Variants in PDE3A observed in about 807,000 individuals in gnomAD.
PDE3A encodes the protein phosphodiesterase 3A, also known as cGMP-inhibited 3',5'-cyclic phosphodiesterase 3A.
A neutral mutation model predicts 98.3 loss-of-function variants in PDE3A; 43 were observed. The ratio of observed to expected loss-of-function variants is 0.44; its 90% CI spans 0.34 to 0.56. The LOEUF (loss-of-function observed/expected upper bound fraction) is 0.56, where lower values mean the gene tolerates loss of function less well. Ranked by LOEUF, PDE3A falls within the 20% of genes least tolerant of loss-of-function variation. The probability of loss-of-function intolerance (pLI) is 0.01; values close to 1 mark genes in which losing one functional copy is unlikely to be tolerated. For synonymous variants in PDE3A, 663 were observed against 567.9 expected (o/e 1.17, Z -2.38); for missense variants, 1,427 against 1,440.7 (o/e 0.99, Z 0.15).
In PDE3A at chr12:20,646,666, G is replaced by GT. The variant is rs201571904; in HGVS notation, c.2365+71dup. On this transcript the variant is annotated intron_variant, in intron 11 of 15. Transcript: ENST00000359062. Reference sequence around the variant, plus strand: ...TGGGAACAAGGGTGTTTTTGTTTTTGTTTTTTTTCAAAAAGAAAGAAGTCA... The same window carrying GT: ...TGGGAACAAGGGTGTTTTTGTTTTTGTTTTTTTTTCAAAAAGAAAGAAGTCA... The GT allele has an allele frequency of 3.3e-4, 473 of 1,421,264 alleles. 1 individual carries two copies. The East Asian group carries it at 5.4e-3, about 16-fold the overall frequency. 88.0% of individuals were successfully genotyped at this position (1,421,264 alleles called of 1,614,324 possible).
intron 2 of PDE3A, among the ~76,000 whole-genome samples, chr12:20,583,078 C>T (rs1943108718): frequency 1.3e-5 from 2 of 151,976 alleles, no homozygotes; most frequent in African/African-American, 4.8e-5. Flanking sequence ...TCAGTCAAGC[C>T]CCTGCCCAGA....
At chr12:20,669,128 G>A (rs970587456) in intron 15 of PDE3A, among the ~76,000 whole-genome samples, 6 of 152,098 alleles carry the variant, frequency 3.9e-5, no homozygotes, top group African/African-American at 1.4e-4. Context: ...ATGAAATGAA[G>A]CGAGAAGGGA....
intron 1 of PDE3A, among the ~76,000 whole-genome samples, chr12:20,494,540 G>C (rs988563395): frequency 5.9e-5 from 9 of 152,020 alleles, no homozygotes; most frequent in Non-Finnish European, 1.0e-4. Flanking sequence ...GTGTGTCTCT[G>C]TGTGTGTTTG....
chr12:20,482,394 G>T (rs1945646963), intron 1 of PDE3A, among the ~76,000 whole-genome samples: 1 of 152,114 alleles, frequency 6.6e-6, no homozygotes, highest in South Asian at 2.1e-4. Context: ...CTTTACTTCA[G>T]TGTTTTACTT....
chr12:20,507,570 G>A (rs35349988), intron 1 of PDE3A, among the ~76,000 whole-genome samples: 12,350 of 151,936 alleles, frequency 0.081, 706 homozygotes, highest in Non-Finnish European at 0.12. Flanking sequence ...TCTTGACTTA[G>A]ATACCTAACA....
chr12:20,557,263 AG>A (rs1565588345), intron 2 of PDE3A: 1 of 153,104 alleles, frequency 6.5e-6, no homozygotes. Flanking sequence ...CAAAGAGAAA[AG>A]CTTCCATGAC....
intron 1 of PDE3A, among the ~76,000 whole-genome samples, chr12:20,397,804 T>A (rs998049874): frequency 1.3e-5 from 2 of 152,188 alleles, no homozygotes; most frequent in East Asian, 3.9e-4. Context: ...GGCAACTCAG[T>A]AACAAAGAGA....
chr12:20,543,243 G>C lies in PDE3A; in HGVS notation c.961-13417G>C, dbSNP rs74459029. Reference sequence around the variant, plus strand: ...TATTTGCATGGAATTTTTGGAGTAAGTTTATTTGGTTTGTTTGTTTTTTTT... The same window carrying C: ...TATTTGCATGGAATTTTTGGAGTAACTTTATTTGGTTTGTTTGTTTTTTTT... On this transcript the variant is annotated intron_variant, in intron 1 of 15. Transcript: ENST00000359062. Among the ~76,000 whole-genome samples the C allele has an allele frequency of 2.3e-3, 308 of 134,678 alleles. 1 individual carries two copies. In the East Asian group the frequency reaches 0.03, roughly 13 times the overall value. The allele number at this position is 134,678 out of a possible 152,430, so 88.4% of individuals were successfully genotyped here. A position where few individuals can be genotyped will look rare whatever the true frequency, so the allele number is the denominator to read the frequency against.
At chr12:20,526,749 A>G (rs545062107) in intron 1 of PDE3A, among the ~76,000 whole-genome samples, 2 of 150,886 alleles carry the variant, frequency 1.3e-5, no homozygotes, top group East Asian at 3.9e-4. Flanking sequence ...GCTGAATCTC[A>G]TTTCATGTCA....
chr12:20,570,732 T>G (rs1942784831), intron 2 of PDE3A, among the ~76,000 whole-genome samples: 1 of 152,094 alleles, frequency 6.6e-6, no homozygotes, highest in Admixed American at 6.5e-5. Flanking sequence ...TCTCCTAAAT[T>G]ATTGTGTGTC....
At chr12:20,541,900 T>A (rs1333560281) in intron 1 of PDE3A, among the ~76,000 whole-genome samples, 1 of 152,118 alleles carries the variant, frequency 6.6e-6, no homozygotes, top group Non-Finnish European at 1.5e-5. Flanking sequence ...AATTACTTTC[T>A]TCAGCATTTA....
At chr12:20,407,575 G>A (rs1944254726) in intron 1 of PDE3A, among the ~76,000 whole-genome samples, 2 of 152,140 alleles carry the variant, frequency 1.3e-5, no homozygotes, top group Admixed American at 6.5e-5. Flanking sequence ...GGTTGGTGGT[G>A]CTTTGGGGTC....
chr12:20,467,808 G>A (rs949499792), intron 1 of PDE3A, among the ~76,000 whole-genome samples: 4 of 151,200 alleles, frequency 2.6e-5, no homozygotes, highest in Non-Finnish European at 2.9e-5. Flanking sequence ...GGTGGCACGC[G>A]CCTATAATCC....
chr12:20,518,267 G>T (rs1044802068), intron 1 of PDE3A, among the ~76,000 whole-genome samples: 1 of 152,128 alleles, frequency 6.6e-6, no homozygotes, highest in Non-Finnish European at 1.5e-5. Flanking sequence ...TTTTTTGCAT[G>T]AATATATAAA....
intron 1 of PDE3A, among the ~76,000 whole-genome samples, chr12:20,407,640 C>T (rs1944257012): frequency 6.6e-6 from 1 of 151,884 alleles, no homozygotes; most frequent in African/African-American, 2.4e-5. Flanking sequence ...ACCAGCATTC[C>T]CAATTCCTTC....
chr12:20,577,133 ACC>A (rs1283805000), intron 2 of PDE3A, among the ~76,000 whole-genome samples: 2 of 151,690 alleles, frequency 1.3e-5, no homozygotes, highest in Non-Finnish European at 2.9e-5. Context: ...AACCACCCCC[ACC>A]CCCAAACAAG....
In PDE3A at chr12:20,648,739, G is replaced by C. The variant is rs769614796; in HGVS notation, c.2617G>C (p.Ala873Pro). 5 of 1,613,256 alleles carry C rather than the reference G, an allele frequency of 3.1e-6. No homozygotes were observed. Among genetic ancestry groups the C allele is most frequent in the Non-Finnish European group, 4.2e-6 (5 of 1,179,272 alleles). ...SVLENHHAAAAWNLFMSRPEY... is the reference protein window; with the variant it reads ...SVLENHHAAAPWNLFMSRPEY... ...TTTGGAGAATCATCACGCAGCTGCT[G>C]CATGGAATCTTTTCATGTCCCGGCC... The change falls in exon 13 of 16, where the codon GCA becomes CCA. Residue 873 changes from alanine to proline, a missense_variant. By Grantham distance (27) the Ala-to-Pro change is conservative. This residue lies in a region of PDE3A where 273 missense variants were observed against 420.3 expected (regional missense o/e 0.65). Transcript: ENST00000359062.
intron 9 of PDE3A, 67 bp downstream of exon 9, chr12:20,637,304 C>T: frequency 1.6e-6 from 2 of 1,235,058 alleles, no homozygotes; most frequent in Non-Finnish European, 2.2e-6. Context: ...GCTTAAAGCT[C>T]TGTAAATTCT....
At position 20,447,216 on chromosome 12, in the gene PDE3A, G is replaced by A. The variant is rs188050316; in HGVS notation, c.960+76972G>A. 1.3e-3 allele frequency among the ~76,000 whole-genome samples: 205 copies of A among 152,322 alleles called. 2 individuals are homozygous for A. The highest frequency in any genetic ancestry group is 4.6e-3 in the African/African-American group (192 of 41,572). ...TTGGAGGTGACAGTGAAGGTGGTAG[G>A]AGGATATTCTTAAAGTAGAGCCAGT... On this transcript the variant is annotated intron_variant, in intron 1 of 15. Transcript: ENST00000359062.
Sources: gnomAD v4.1 joint callset for allele counts (sites outside exome capture counted in the v4.1 genomes callset) on GRCh38, gnomAD v4.1.1 for gene constraint, gnomAD v4.1.1 regional missense constraint, MANE v1.5 for transcripts, NCBI Gene and HGNC (gene_info 2026-07-23, HGNC 2026-07-21) for gene names.